The following GULP1 variants were observed in gnomAD, a reference collection of about 807,000 sequenced individuals.
The protein encoded by GULP1 is PTB domain-containing engulfment adapter protein 1.
A neutral mutation model predicts 40.9 loss-of-function variants in GULP1; 19 were observed. That is an observed-to-expected ratio of 0.46 (90% CI 0.32 to 0.68). The LOEUF is 0.68. GULP1 is among the 30% of genes least tolerant of loss of function. The pLI, the probability that GULP1 is intolerant of heterozygous loss-of-function variation, is 0.03. For missense variants in GULP1, 312 were observed against 362.2 expected, an observed-to-expected ratio of 0.86 and a Z score of 1.12; for synonymous variants, 119 against 117.6, an observed-to-expected ratio of 1.01 and a Z score of -0.08.
At chr2:188,506,208 G>GT (rs1455853343) in intron 4 of GULP1, among the ~76,000 whole-genome samples, 1 of 151,756 alleles carries the variant, frequency 6.6e-6, no homozygotes, top group Non-Finnish European at 1.5e-5. Flanking sequence ...ACTTGCTAAT[G>GT]TAAGTATTCA....
At position 188,468,858 on chromosome 2, in the gene GULP1, A is replaced by T. The variant is rs201272638; in HGVS notation, c.-44-8801A>T. ...GGGGGGCAATTGCAATAAGGAAAAT[A>T]TGCCAACTATAAGATCAGCAAGTGT... is the stretch of plus-strand genomic sequence containing the variant. On this transcript the variant is annotated intron_variant, in intron 2 of 11. Transcript: ENST00000409830. 2.0e-5 allele frequency among the ~76,000 whole-genome samples: 3 copies of T among 152,204 alleles called. No homozygotes were observed. In the South Asian group the frequency reaches 6.2e-4, roughly 32 times the overall value.
Position 188,594,604 on chromosome 2 carries a change from T to G in GULP1, c.*593T>G, listed in dbSNP as rs1225189727. 2.6e-5 allele frequency: 4 copies of G among 151,784 alleles called. No individual in the cohort carries two copies. Among genetic ancestry groups the G allele is most frequent in the African/African-American group, 9.7e-5 (4 of 41,424 alleles). The allele number at this position is 151,784 out of a possible 1,614,324, so 9.4% of individuals were successfully genotyped here. On this transcript the variant is annotated 3_prime_UTR_variant, in exon 12 of 12. Transcript: ENST00000409830. Reference sequence around the variant, plus strand: ...ATAAATTCCAATAATAAACCAAATGTATTTAGAGTATTTATTAGTAAATGC... The same window carrying G: ...ATAAATTCCAATAATAAACCAAATGGATTTAGAGTATTTATTAGTAAATGC...
intron 3 of GULP1, among the ~76,000 whole-genome samples, chr2:188,479,620 T>C (rs2061294628): frequency 6.6e-6 from 1 of 152,088 alleles, no homozygotes; most frequent in African/African-American, 2.4e-5. Flanking sequence ...ACATCACAAC[T>C]TAACACTTTA....
chr2:188,504,285 G>A (rs1326066627), intron 4 of GULP1, among the ~76,000 whole-genome samples: 1 of 151,886 alleles, frequency 6.6e-6, no homozygotes, highest in African/African-American at 2.4e-5. Context: ...AAACATGACT[G>A]TAGAAATTCA....
chr2:188,399,294 T>C (rs2051750588), intron 2 of GULP1, among the ~76,000 whole-genome samples: 1 of 152,156 alleles, frequency 6.6e-6, no homozygotes, highest in South Asian at 2.1e-4. Flanking sequence ...TGGGTACTTC[T>C]GTGGAGCTAA....
At position 188,314,296 on chromosome 2, in the gene GULP1, A is replaced by G. The variant is rs76050158; in HGVS notation, c.-172+22130A>G. On this transcript the variant is annotated intron_variant, in intron 1 of 11. Transcript: ENST00000409830. Reference sequence around the variant, plus strand: ...AGTAGGGGAATTGTCTCTGTCCTTAAGAATCATTTTTTATTACTTGAAATG... The same window carrying G: ...AGTAGGGGAATTGTCTCTGTCCTTAGGAATCATTTTTTATTACTTGAAATG... Among the ~76,000 whole-genome samples the G allele has an allele frequency of 3.4e-3, 514 of 152,288 alleles. 19 individuals are homozygous for G. The East Asian group carries it at 0.06, about 18-fold the overall frequency.
intron 1 of GULP1, among the ~76,000 whole-genome samples, chr2:188,309,034 C>G (rs1357209276): frequency 6.6e-6 from 1 of 152,138 alleles, no homozygotes; most frequent in African/African-American, 2.4e-5. Context: ...CCATGAAGCT[C>G]CTAAACATCC....
At chr2:188,468,473 G>T (rs1161917894) in intron 2 of GULP1, among the ~76,000 whole-genome samples, 1 of 152,056 alleles carries the variant, frequency 6.6e-6, no homozygotes, top group Non-Finnish European at 1.5e-5. Flanking sequence ...TTGCTCATTT[G>T]ATTTGTAATT....
In GULP1 at chr2:188,507,396, C is replaced by CT. The variant is rs5837091; in HGVS notation, c.91-15341dup. On this transcript the variant is annotated intron_variant, in intron 4 of 11. Coordinates refer to ENST00000409830, the MANE Select transcript of GULP1 (RefSeq NM_016315.4). ...GAGCAAAGAGAATACCATTTGTTTT[C>CT]TTTTTTTTTTTTTTTTTTTGCTTGT... 2.6e-3 allele frequency among the ~76,000 whole-genome samples: 271 copies of CT among 103,496 alleles called. 1 individual carries two copies. The highest frequency in any genetic ancestry group is 6.5e-3 in the African/African-American group (184 of 28,154). 67.9% of individuals were successfully genotyped at this position (103,496 alleles called of 152,430 possible). A position where few individuals can be genotyped will look rare whatever the true frequency, so the allele number is the denominator to read the frequency against.
intron 7 of GULP1, among the ~76,000 whole-genome samples, chr2:188,560,745 A>G (rs771810280): frequency 1.4e-4 from 21 of 152,288 alleles, no homozygotes; most frequent in Non-Finnish European, 2.6e-4. Context: ...AAGAAACACA[A>G]TCATGACAGA....
At chr2:188,378,651 G>C (rs143197226) in intron 1 of GULP1, among the ~76,000 whole-genome samples, 19 of 152,194 alleles carry the variant, frequency 1.2e-4, no homozygotes, top group Non-Finnish European at 2.6e-4. Flanking sequence ...AGAGGCAAAA[G>C]AGAGAGGGGA....
chr2:188,360,443 GT>G (rs879498926), intron 1 of GULP1, among the ~76,000 whole-genome samples: 3,685 of 146,062 alleles, frequency 0.025, 156 homozygotes, highest in African/African-American at 0.085. Flanking sequence ...AGTATTTCAA[GT>G]TTTTTTTTTT....
At chr2:188,535,849 C>A (rs939736311) in intron 6 of GULP1, among the ~76,000 whole-genome samples, 1 of 152,108 alleles carries the variant, frequency 6.6e-6, no homozygotes, top group Non-Finnish European at 1.5e-5. Flanking sequence ...CATATCCTCA[C>A]CAGCATCTGT....
chr2:188,488,576 G>A (rs2062062855), intron 4 of GULP1, among the ~76,000 whole-genome samples: 1 of 151,940 alleles, frequency 6.6e-6, no homozygotes, highest in South Asian at 2.1e-4. Flanking sequence ...AACAGAGAAT[G>A]AACTACTTAG....
rs1024389760 is a variant in GULP1, at chr2:188,343,445, A to C, written c.-171-40318A>C. Among the ~76,000 whole-genome samples the C allele has an allele frequency of 3.9e-4, 59 of 152,360 alleles. 1 individual carries two copies. The highest frequency in any genetic ancestry group is 1.3e-3 in the African/African-American group (53 of 41,598). On this transcript the variant is annotated intron_variant, in intron 1 of 11. Transcript: ENST00000409830. Reference sequence around the variant, plus strand: ...ACTGAACAATAAAAGCTTGTAGTGTACAGTTAGAGTAGACGTCCTCTTATC... The same window carrying C: ...ACTGAACAATAAAAGCTTGTAGTGTCCAGTTAGAGTAGACGTCCTCTTATC...
At chr2:188,563,586 A>C (rs1254278436) in intron 7 of GULP1, among the ~76,000 whole-genome samples, 1 of 151,070 alleles carries the variant, frequency 6.6e-6, no homozygotes, top group East Asian at 1.9e-4. Flanking sequence ...AAAGATTCGG[A>C]ACTAAATATT....
At chr2:188,410,625 C>G (rs934266678) in intron 2 of GULP1, among the ~76,000 whole-genome samples, 3 of 151,980 alleles carry the variant, frequency 2.0e-5, no homozygotes, top group East Asian at 3.9e-4. Context: ...GAGGAAAATG[C>G]AAATTAAAAC....
Position 188,490,674 on chromosome 2 carries a change from G to A in GULP1, c.90+7182G>A, listed in dbSNP as rs949434757. Among the ~76,000 whole-genome samples the A allele has an allele frequency of 2.0e-5, 3 of 152,016 alleles. No homozygotes were observed. In the South Asian group the frequency reaches 6.2e-4, roughly 32 times the overall value. ...AATTCCTGGATAAAAATGCTTTGGT[G>A]TTATCTATGTCCTTAAATGCTTCTT... On this transcript the variant is annotated intron_variant, in intron 4 of 11. Transcript: ENST00000409830.
At chr2:188,428,701 TTCTATAAAGCCTGGGGAACCATGAGCCA>T (rs1475561549) in intron 2 of GULP1, among the ~76,000 whole-genome samples, 1 of 152,126 alleles carries the variant, frequency 6.6e-6, no homozygotes, top group Non-Finnish European at 1.5e-5. Context: ...CTGCCATGCT[TTCTATAAAGCCTGGGGAACCATGAGCCA>T]ATTTAACCTC....
Sources: allele counts gnomAD v4.1 joint callset (sites outside exome capture counted in the v4.1 genomes callset), GRCh38; gene constraint gnomAD v4.1.1; transcripts MANE v1.5; gene names NCBI Gene and HGNC (gene_info 2026-07-23, HGNC 2026-07-21).